Variants in SORCS2 observed in about 807,000 individuals in gnomAD.
SORCS2 encodes the protein sortilin related VPS10 domain containing receptor 2, also known as VPS10 domain-containing receptor SorCS2.
SORCS2 carries 100 observed loss-of-function variants against 141.6 expected under a neutral mutation model. The ratio of observed to expected loss-of-function variants is 0.71; its 90% CI spans 0.60 to 0.83. SORCS2 has a LOEUF of 0.83. SORCS2 is among the 40% of genes least tolerant of loss of function. The probability of loss-of-function intolerance (pLI) is 0.00; values close to 1 mark genes in which losing one functional copy is unlikely to be tolerated. For synonymous variants in SORCS2, 789 were observed against 676.9 expected (o/e 1.17, Z -2.57); for missense variants, 1,646 against 1,560.2 (o/e 1.05, Z -0.93).
intron 1 of SORCS2, among the ~76,000 whole-genome samples, chr4:7,360,091 C>A (rs1437061574): frequency 1.3e-5 from 2 of 152,150 alleles, no homozygotes; most frequent in Non-Finnish European, 2.9e-5. Flanking sequence ...TTAACGAAGG[C>A]CCCTGAGGCA....
intron 3 of SORCS2, among the ~76,000 whole-genome samples, chr4:7,543,961 C>CATCCATCT (rs1560373904): frequency 1.3e-4 from 16 of 120,010 alleles, no homozygotes; most frequent in African/African-American, 2.5e-4. Flanking sequence ...TCCATCCATC[C>CATCCATCT]ATCCATCCAT....
At chr4:7,237,488 T>G (rs1302522069) in intron 1 of SORCS2, among the ~76,000 whole-genome samples, 1 of 152,194 alleles carries the variant, frequency 6.6e-6, no homozygotes, top group African/African-American at 2.4e-5. Flanking sequence ...GAGTGAACCC[T>G]GGGCCGCAAG....
chr4:7,309,635 T>C (rs1718055476), intron 1 of SORCS2, among the ~76,000 whole-genome samples: 1 of 152,118 alleles, frequency 6.6e-6, no homozygotes, highest in African/African-American at 2.4e-5. Flanking sequence ...GCCTCTGAAA[T>C]GGAGCTGCCA....
At chr4:7,575,832 G>A (rs1165902035) in intron 3 of SORCS2, among the ~76,000 whole-genome samples, 1 of 152,222 alleles carries the variant, frequency 6.6e-6, no homozygotes, top group Admixed American at 6.5e-5. Context: ...GAGAAGGTCT[G>A]TGTCTGGCTA....
At chr4:7,599,315 A>G (rs9999221) in intron 3 of SORCS2, among the ~76,000 whole-genome samples, 2,985 of 152,188 alleles carry the variant, frequency 0.02, 103 homozygotes, top group African/African-American at 0.067. Flanking sequence ...ACGGGTGAGG[A>G]CTGAAGTGGC....
chr4:7,265,009 C>A (rs79354907), intron 1 of SORCS2, among the ~76,000 whole-genome samples: 2,811 of 152,348 alleles, frequency 0.018, 92 homozygotes, highest in African/African-American at 0.063. Context: ...GCCCTGACAC[C>A]AGCTTCTATG....
intron 2 of SORCS2, among the ~76,000 whole-genome samples, chr4:7,480,102 G>A (rs974505226): frequency 5.9e-5 from 9 of 152,172 alleles, no homozygotes; most frequent in African/African-American, 1.9e-4. Context: ...CCCCTTCTGC[G>A]TGCTGCAGAT....
intron 3 of SORCS2, among the ~76,000 whole-genome samples, chr4:7,608,897 G>T (rs748824107): frequency 6.6e-6 from 1 of 152,058 alleles, no homozygotes. Context: ...AAAGGGAGCC[G>T]CTCATATGTG....
Position 7,719,500 on chromosome 4 carries a change from G to A in SORCS2, c.2424+1317G>A, listed in dbSNP as rs565447897. Among the ~76,000 whole-genome samples the A allele has an allele frequency of 2.3e-3, 353 of 152,316 alleles. 1 individual carries two copies. The highest frequency in any genetic ancestry group is 7.8e-3 in the African/African-American group (324 of 41,576). ...GGGGTCCCTGGCCCCTAGACTCTAC[G>A]TGGACAGAGACTGAGTCTGGGGCCC... On this transcript the variant is annotated intron_variant, in intron 18 of 26. Transcript: ENST00000507866.
chr4:7,434,796 C>A, intron 2 of SORCS2: 1 of 1,610,210 alleles, frequency 6.2e-7, no homozygotes, highest in South Asian at 1.1e-5. Flanking sequence ...CCGTGGAGCC[C>A]TTTGCACACT....
At chr4:7,475,593 C>T (rs1674187035) in intron 2 of SORCS2, among the ~76,000 whole-genome samples, 1 of 152,224 alleles carries the variant, frequency 6.6e-6, no homozygotes. Flanking sequence ...CCTGGAGCCC[C>T]TTCCCTGTGG....
intron 3 of SORCS2, among the ~76,000 whole-genome samples, chr4:7,602,618 G>A (rs576543694): frequency 2.7e-5 from 4 of 148,686 alleles, no homozygotes; most frequent in African/African-American, 1.0e-4. Flanking sequence ...GGGAAGAGGC[G>A]CTCCTCACTT....
At chr4:7,209,047 C>T (rs1352070448) in intron 1 of SORCS2, among the ~76,000 whole-genome samples, 1 of 152,230 alleles carries the variant, frequency 6.6e-6, no homozygotes, top group African/African-American at 2.4e-5. Flanking sequence ...TCTGCTGCCT[C>T]CTGGCTTCAT....
rs549801773 is a variant in SORCS2, at chr4:7,587,029, G to A, written c.649-51299G>A. On this transcript the variant is annotated intron_variant, in intron 3 of 26. Transcript: ENST00000507866. ...CAGACGTCAGCTAAAAATTAAGAAT[G>A]ACCTCTTAGCTACAGATGATCGGAG... 6.0e-5 allele frequency among the ~76,000 whole-genome samples: 9 copies of A among 149,166 alleles called. No homozygotes were observed. In the Middle Eastern group the frequency reaches 0.014, roughly 225 times the overall value.
chr4:7,721,504 G>A (rs1207423348), intron 18 of SORCS2, among the ~76,000 whole-genome samples: 1 of 152,108 alleles, frequency 6.6e-6, no homozygotes, highest in Non-Finnish European at 1.5e-5. Flanking sequence ...CAACCTGGAT[G>A]AGCCTCAAGT....
intron 1 of SORCS2, among the ~76,000 whole-genome samples, chr4:7,262,768 A>ACTCCCTTTCCATGCC (rs1222925249): frequency 6.6e-6 from 1 of 151,818 alleles, no homozygotes; most frequent in East Asian, 1.9e-4. Context: ...CTCAGCAGGG[A>ACTCCCTTTCCATGCC]CTCCCTTTCC....
chr4:7,447,795 A>T (rs1021823612), intron 2 of SORCS2, among the ~76,000 whole-genome samples: 22 of 152,146 alleles, frequency 1.4e-4, no homozygotes, highest in Admixed American at 1.2e-3. Context: ...CCAGGATGGA[A>T]CGGAGCCTGT....
rs143307304 is a variant in SORCS2, at chr4:7,524,566, A to G, written c.549-6964A>G. 5.3e-5 allele frequency among the ~76,000 whole-genome samples: 8 copies of G among 151,382 alleles called. No individual in the cohort carries two copies. In the East Asian group the frequency reaches 5.8e-4, roughly 11 times the overall value. On this transcript the variant is annotated intron_variant, in intron 2 of 26. Coordinates refer to ENST00000507866, the MANE Select transcript of SORCS2 (RefSeq NM_020777.3). ...ATTGAAAACACACAGGAAGAGGTCA[A>G]CAGGCTGCTGTGGGTTTTGTTTTTT...
chr4:7,476,662 C>T (rs1311606348), intron 2 of SORCS2, among the ~76,000 whole-genome samples: 1 of 152,096 alleles, frequency 6.6e-6, no homozygotes, highest in Non-Finnish European at 1.5e-5. Context: ...GCCAGCAGTC[C>T]CCAAGTCAGC....
Sources: allele counts gnomAD v4.1 joint callset (sites outside exome capture counted in the v4.1 genomes callset), GRCh38; gene constraint gnomAD v4.1.1; transcripts MANE v1.5; gene names NCBI Gene and HGNC (gene_info 2026-07-23, HGNC 2026-07-21).